The following ADGRB3 variants were observed in gnomAD, a reference collection of about 807,000 sequenced individuals.
The protein encoded by ADGRB3 is brain-specific angiogenesis inhibitor 3.
In ADGRB3, 37 loss-of-function variants were observed where a neutral mutation model predicts 193.4. The ratio of observed to expected loss-of-function variants is 0.19; its 90% CI spans 0.15 to 0.25. The LOEUF (loss-of-function observed/expected upper bound fraction) is 0.25, where lower values mean the gene tolerates loss of function less well. Ranked by LOEUF, ADGRB3 falls within the 10% of genes least tolerant of loss-of-function variation. The probability of loss-of-function intolerance (pLI) is 1.00; values close to 1 mark genes in which losing one functional copy is unlikely to be tolerated. For synonymous variants in ADGRB3, 690 were observed against 644.2 expected, an observed-to-expected ratio of 1.07 and a Z score of -1.08; for missense variants, 1,637 against 1,852.9, an observed-to-expected ratio of 0.88 and a Z score of 2.14.
intron 8 of ADGRB3, among the ~76,000 whole-genome samples, chr6:68,960,359 GT>G (rs1768197988): frequency 6.6e-6 from 1 of 152,186 alleles, no homozygotes; most frequent in Non-Finnish European, 1.5e-5. Flanking sequence ...GACCAGAAAT[GT>G]AGGAATTATT....
intron 3 of ADGRB3, among the ~76,000 whole-genome samples, chr6:68,719,312 G>A (rs1468951407): frequency 2.0e-5 from 3 of 151,626 alleles, no homozygotes. Context: ...ATATGGCTAT[G>A]GAACATTTTA....
At chr6:69,326,433 A>T (rs1487330586) in intron 21 of ADGRB3, among the ~76,000 whole-genome samples, 1 of 152,162 alleles carries the variant, frequency 6.6e-6, no homozygotes, top group Non-Finnish European at 1.5e-5. Flanking sequence ...AGAACAAAAC[A>T]TGGTGATTTT....
chr6:68,883,060 A>AT (rs973320365), intron 3 of ADGRB3, among the ~76,000 whole-genome samples: 7 of 151,846 alleles, frequency 4.6e-5, no homozygotes, highest in East Asian at 1.9e-4. Flanking sequence ...TTACCAGCTA[A>AT]TTTTTTTGTA....
chr6:69,243,502 C>T (rs993110530), intron 20 of ADGRB3, among the ~76,000 whole-genome samples: 4 of 150,384 alleles, frequency 2.7e-5, no homozygotes, highest in African/African-American at 7.3e-5. Context: ...TGGGCCCCAT[C>T]GCTAAAAGAT....
chr6:68,894,533 T>G (rs1411822993), intron 3 of ADGRB3, among the ~76,000 whole-genome samples: 2 of 151,920 alleles, frequency 1.3e-5, no homozygotes, highest in African/African-American at 2.4e-5. Context: ...CTCAAAAGAC[T>G]GCACTTTGTT....
intron 3 of ADGRB3, among the ~76,000 whole-genome samples, chr6:68,704,176 AAT>A: frequency 6.6e-6 from 1 of 152,324 alleles, no homozygotes. Context: ...TTTATTATAA[AAT>A]ATGAGAAAGA....
At position 69,104,036 on chromosome 6, in the gene ADGRB3, A is replaced by AT. The variant is rs1013724333; in HGVS notation, c.2480+28007dup. Among the ~76,000 whole-genome samples, 116 of 151,426 alleles carry AT rather than the reference A, an allele frequency of 7.7e-4. 1 individual carries two copies. The highest frequency in any genetic ancestry group is 2.6e-3 in the African/African-American group (108 of 41,326). ...AGATTCCATTAAACTTTAGTTTTTA[A>AT]TTTTTTTTTATTATTATACTTTAAG... On this transcript the variant is annotated intron_variant, in intron 17 of 31. Coordinates refer to ENST00000370598, the MANE Select transcript of ADGRB3 (RefSeq NM_001704.3).
chr6:68,806,999 G>GTTATATTTTCTT (rs1399507621), intron 3 of ADGRB3, among the ~76,000 whole-genome samples: 2 of 151,958 alleles, frequency 1.3e-5, no homozygotes, highest in Non-Finnish European at 2.9e-5. Context: ...TTCAAGAAAA[G>GTTATATTTTCTT]GTTATGCAAA....
At chr6:68,794,636 C>T (rs1311509513) in intron 3 of ADGRB3, among the ~76,000 whole-genome samples, 1 of 152,124 alleles carries the variant, frequency 6.6e-6, no homozygotes, top group East Asian at 1.9e-4. Context: ...ATGACAATTA[C>T]CACCTTTACA....
intron 24 of ADGRB3, among the ~76,000 whole-genome samples, chr6:69,335,143 A>G (rs1340936287): frequency 6.6e-6 from 1 of 152,146 alleles, no homozygotes; most frequent in Non-Finnish European, 1.5e-5. Flanking sequence ...AAAAAAATTT[A>G]ATAAAAAATT....
intron 30 of ADGRB3, among the ~76,000 whole-genome samples, chr6:69,380,256 G>T (rs1769919037): frequency 6.6e-6 from 1 of 151,980 alleles, no homozygotes. Context: ...ATAACTGTTG[G>T]AAGGGGATGG....
chr6:69,154,119 T>C (rs1443514685), intron 17 of ADGRB3, among the ~76,000 whole-genome samples: 2 of 151,424 alleles, frequency 1.3e-5, no homozygotes, highest in Admixed American at 1.3e-4. Context: ...TTCGTGACTT[T>C]ATAGTCAATT....
At chr6:69,011,863 T>A (rs924455080) in intron 11 of ADGRB3, among the ~76,000 whole-genome samples, 5 of 151,996 alleles carry the variant, frequency 3.3e-5, no homozygotes, top group African/African-American at 1.2e-4. Flanking sequence ...ATTTCATTAG[T>A]CAGGGCGCTA....
chr6:69,036,865 A>C (rs1253266128), intron 13 of ADGRB3, among the ~76,000 whole-genome samples: 1 of 152,190 alleles, frequency 6.6e-6, no homozygotes, highest in Admixed American at 6.5e-5. Flanking sequence ...ATTTTTTTCT[A>C]GGAGCGCTGG....
intron 17 of ADGRB3, among the ~76,000 whole-genome samples, chr6:69,157,682 G>T (rs180940051): frequency 1.3e-3 from 195 of 147,970 alleles, no homozygotes; most frequent in Non-Finnish European, 1.9e-3. Context: ...TTTTGCCATT[G>T]AAAGTAATAT....
chr6:68,652,346 C>A (rs969574249), intron 3 of ADGRB3, among the ~76,000 whole-genome samples: 4 of 152,272 alleles, frequency 2.6e-5, no homozygotes, highest in African/African-American at 9.6e-5. Context: ...CTCTATGTCA[C>A]ACTTGTGAAA....
intron 3 of ADGRB3, among the ~76,000 whole-genome samples, chr6:68,733,915 C>T (rs776581391): frequency 9.3e-5 from 14 of 151,182 alleles, no homozygotes; most frequent in African/African-American, 1.5e-4. Context: ...ATACCCCATT[C>T]GCCACGATGT....
intron 8 of ADGRB3, among the ~76,000 whole-genome samples, chr6:68,967,855 T>C (rs1768429392): frequency 6.6e-6 from 1 of 151,494 alleles, no homozygotes; most frequent in South Asian, 2.1e-4. Context: ...GAGAAAAGAT[T>C]GAAGGCGGGA....
intron 3 of ADGRB3, among the ~76,000 whole-genome samples, chr6:68,769,511 G>A (rs1395617659): frequency 6.6e-6 from 1 of 152,086 alleles, no homozygotes. Flanking sequence ...ACACAGGGAG[G>A]GGAACATTAC....
Sources: gnomAD v4.1 joint callset for allele counts (sites outside exome capture counted in the v4.1 genomes callset) on GRCh38, gnomAD v4.1.1 for gene constraint, MANE v1.5 for transcripts, NCBI Gene and HGNC (gene_info 2026-07-23, HGNC 2026-07-21) for gene names.